PRSS54: variants seen among roughly 807,000 people sequenced by gnomAD.
The protein encoded by PRSS54 is serine protease 54.
In PRSS54, 16 loss-of-function variants were observed where a neutral mutation model predicts 19.9. That is an observed-to-expected ratio of 0.80 (90% CI 0.54 to 1.22). The LOEUF is 1.22. Among genes scored for constraint, PRSS54 ranks in the 50% most tolerant of loss-of-function variants. The pLI, the probability that PRSS54 is intolerant of heterozygous loss-of-function variation, is 0.00. For missense variants in PRSS54, 444 were observed against 494.8 expected (o/e 0.90, Z 0.97); for synonymous variants, 177 against 195.8 (o/e 0.90, Z 0.80).
Position 58,280,189 on chromosome 16 carries a change from A to G in PRSS54, c.*35T>C. 3 of 1,568,558 alleles carry G rather than the reference A, an allele frequency of 1.9e-6. No homozygotes were observed. Among genetic ancestry groups the G allele is most frequent in the Non-Finnish European group, 2.6e-6 (3 of 1,156,484 alleles). ...TGAATGCCTGGCACTCAGCATTCTC[A>G]GTTTACTCTTCAGTTTGGTGGGGTA... is the stretch of plus-strand genomic sequence containing the variant. On this transcript the variant is annotated 3_prime_UTR_variant, in exon 7 of 7. Transcript: ENST00000567164.
intron 3 of PRSS54, among the ~76,000 whole-genome samples, chr16:58,291,707 C>A (rs1965044605): frequency 6.6e-6 from 1 of 152,000 alleles, no homozygotes; most frequent in African/African-American, 2.4e-5. Context: ...GATCTAGAGC[C>A]CCCTAGCTCA....
intron 1 of PRSS54, among the ~76,000 whole-genome samples, chr16:58,294,453 C>T (rs575445032): frequency 5.1e-4 from 78 of 152,272 alleles, no homozygotes; most frequent in African/African-American, 1.7e-3. Context: ...CAGGTTCAAG[C>T]GATTTTCCTG....
intron 6 of PRSS54, chr16:58,283,267 A>C (rs1325902967): frequency 6.6e-6 from 1 of 152,238 alleles, no homozygotes; most frequent in African/African-American, 2.4e-5. Flanking sequence ...ACATGAGAAC[A>C]TATTTCCAAG....
At chr16:58,292,446 C>T (rs1965055525) in intron 3 of PRSS54, among the ~76,000 whole-genome samples, 2 of 152,116 alleles carry the variant, frequency 1.3e-5, no homozygotes, top group Non-Finnish European at 1.5e-5. Context: ...GAGGGCTTCC[C>T]CCTGAGGGCA....
intron 5 of PRSS54, among the ~76,000 whole-genome samples, chr16:58,285,683 T>C (rs780215450): frequency 3.8e-5 from 5 of 133,244 alleles, no homozygotes; most frequent in African/African-American, 5.8e-5. Flanking sequence ...AAGGCTGCAG[T>C]GAGCCGTGAT....
At chr16:58,285,540 A>AGG (rs1419980213) in intron 5 of PRSS54, among the ~76,000 whole-genome samples, 1 of 152,042 alleles carries the variant, frequency 6.6e-6, no homozygotes, top group African/African-American at 2.4e-5. Flanking sequence ...AGTTCGATAC[A>AGG]AGCCTGGGCA....
At chr16:58,282,656 G>C (rs1240935131) in intron 6 of PRSS54, 1 of 152,266 alleles carries the variant, frequency 6.6e-6, no homozygotes, top group African/African-American at 2.4e-5. Flanking sequence ...GGATGGAAGG[G>C]GGTGCTTTAG....
In PRSS54 at chr16:58,289,306, C is replaced by T. The variant is rs1964986494; in HGVS notation, c.263+1653G>A. 3.9e-5 allele frequency among the ~76,000 whole-genome samples: 6 copies of T among 152,264 alleles called. No homozygotes were observed. The South Asian group carries it at 1.2e-3, about 32-fold the overall frequency. ...GAGAAATAAATTTCTGTTGTTTAAG[C>T]CACCCAGTCTGTGATATTTGTTATA... On this transcript the variant is annotated intron_variant, in intron 4 of 6. Transcript: ENST00000567164.
Position 58,294,073 on chromosome 16 carries a change from A to T in PRSS54, c.-95T>A. The T allele has an allele frequency of 2.0e-6, 1 of 496,254 alleles. No individual in the cohort carries two copies. Among genetic ancestry groups the T allele is most frequent in the Non-Finnish European group, 3.7e-6 (1 of 273,872 alleles). 30.7% of individuals were successfully genotyped at this position (496,254 alleles called of 1,614,324 possible). On this transcript the variant is annotated 5_prime_UTR_variant, in exon 2 of 7. Transcript: ENST00000567164. ...GGTTTGTGAGATGGCCAGAGAAGAG[A>T]GGGCAGCTTACTCTTGTCAGTTTTC... is the stretch of plus-strand genomic sequence containing the variant.
intron 5 of PRSS54, among the ~76,000 whole-genome samples, chr16:58,285,540 A>G (rs1964896044): frequency 6.6e-6 from 1 of 152,042 alleles, no homozygotes; most frequent in African/African-American, 2.4e-5. Context: ...AGTTCGATAC[A>G]AGCCTGGGCA....
chr16:58,294,237 G>A (rs1329119746), intron 1 of PRSS54, 28 bp from the exon 2 acceptor site: 2 of 195,730 alleles, frequency 1.0e-5, no homozygotes, highest in Non-Finnish European at 2.1e-5. Context: ...GAGTTTTAGT[G>A]GAAGCCCACC....
chr16:58,291,473 T>G (rs951345722), intron 3 of PRSS54, among the ~76,000 whole-genome samples: 1 of 150,364 alleles, frequency 6.7e-6, no homozygotes, highest in African/African-American at 2.4e-5. Context: ...AAAGCTATTT[T>G]CATTTTCTTT....
intron 3 of PRSS54, among the ~76,000 whole-genome samples, chr16:58,292,765 C>T (rs1031920263): frequency 2.6e-5 from 4 of 152,228 alleles, no homozygotes; most frequent in Non-Finnish European, 5.9e-5. Flanking sequence ...TCCCTAACCC[C>T]ACAAGAGTTT....
At chr16:58,281,575 T>C (rs1964738903) in intron 6 of PRSS54, 1 of 152,260 alleles carries the variant, frequency 6.6e-6, no homozygotes, top group Non-Finnish European at 1.5e-5. Flanking sequence ...CTCAAAGGAA[T>C]TCCTGCCCCT....
Position 58,280,375 on chromosome 16 carries a change from G to C in PRSS54, c.1037C>G (p.Ser346Cys). 6.2e-7 allele frequency: 1 copy of C among 1,614,144 alleles called. No individual in the cohort carries two copies. Among genetic ancestry groups the C allele is most frequent in the East Asian group, 2.2e-5 (1 of 44,880 alleles). Residue 346 changes from serine (S) to cysteine (C), a missense_variant, in exon 7 of 7, where the codon TCT becomes TGT. Transcript: ENST00000567164. Reference sequence around the variant, plus strand: ...TAAGGGTTGTACAGACGCCTCAGGAGACCTGCCTGATTCCTTTACATCCTT... The same window carrying C: ...TAAGGGTTGTACAGACGCCTCAGGACACCTGCCTGATTCCTTTACATCCTT... ...REKDVKESGRSPEASVQPLYY... is the reference protein window; with the variant it reads ...REKDVKESGRCPEASVQPLYY...
rs1188520475 is a variant in PRSS54, at chr16:58,291,118, G to A, written c.104C>T (p.Ala35Val). 6.2e-7 allele frequency: 1 copy of A among 1,613,944 alleles called. No homozygotes were observed. The highest frequency in any genetic ancestry group is 1.3e-5 in the African/African-American group (1 of 74,958). The change falls in exon 4 of 7, where the codon GCT becomes GTT. Residue 35 changes from alanine to valine, a missense_variant. Ala to Val is a moderately conservative substitution (Grantham distance 64). Transcript: ENST00000567164. ...YSSTSCGVQK[A>V]SVFYGPDPKE... ...GGGGTCAGGACCGTAGAAAACGGAAGCTTTCTGGACGCCACAACCTGCGGA... is the reference window on the plus strand; with the variant it reads ...GGGGTCAGGACCGTAGAAAACGGAAACTTTCTGGACGCCACAACCTGCGGA...
At chr16:58,280,802 TTTG>T in intron 6 of PRSS54, 45 bp from the exon 7 acceptor site, 1 of 1,521,270 alleles carries the variant, frequency 6.6e-7, no homozygotes, top group Non-Finnish European at 8.8e-7. Context: ...AAAACTAGTT[TTTG>T]TTGTAAATCT....
At chr16:58,280,829 A>G in intron 6 of PRSS54, 72 bp from the exon 7 acceptor site, 1 of 1,384,918 alleles carries the variant, frequency 7.2e-7, no homozygotes, top group South Asian at 1.4e-5. Context: ...CTTGTGCAAT[A>G]TACTGTTTGT....
At chr16:58,288,479 C>A (rs773672669) in intron 4 of PRSS54, among the ~76,000 whole-genome samples, 1 of 151,938 alleles carries the variant, frequency 6.6e-6, no homozygotes, top group East Asian at 1.9e-4. Context: ...TTAATAAAAC[C>A]CTTGAGTCAA....
Sources: gnomAD v4.1 joint callset for allele counts (sites outside exome capture counted in the v4.1 genomes callset) on GRCh38, gnomAD v4.1.1 for gene constraint, MANE v1.5 for transcripts, NCBI Gene and HGNC (gene_info 2026-07-23, HGNC 2026-07-21) for gene names.